SRPRA: variants seen among roughly 807,000 people sequenced by gnomAD.
The protein encoded by SRPRA is signal recognition particle receptor subunit alpha.
A neutral mutation model predicts 61.1 loss-of-function variants in SRPRA; 30 were observed. The ratio of observed to expected loss-of-function variants is 0.49; its 90% CI spans 0.37 to 0.67. The LOEUF (loss-of-function observed/expected upper bound fraction) is 0.67, where lower values mean the gene tolerates loss of function less well. SRPRA is among the 30% of genes least tolerant of loss of function. The pLI, the probability that SRPRA is intolerant of heterozygous loss-of-function variation, is 0.00. For missense variants in SRPRA, 759 were observed against 828.4 expected (o/e 0.92, Z 1.03); for synonymous variants, 324 against 299.7 (o/e 1.08, Z -0.84).
the SRPRA span, chr11:126,256,478 A>AG: frequency 8.0e-7 from 1 of 1,246,982 alleles, no homozygotes; most frequent in African/African-American, 1.5e-5. This position sits in a 1 kb window ranked among gnomAD's most constrained non-coding sequence, Gnocchi z 6.6. Context: ...TGGTCATCAC[A>AG]GTCTGCTCAA....
In SRPRA at chr11:126,264,157, G is replaced by C; in HGVS notation, c.1788+34C>G. 6.2e-7 allele frequency: 1 copy of C among 1,612,678 alleles called. No homozygotes were observed. On this transcript the variant is annotated intron_variant, in intron 13 of 13. Transcript: ENST00000332118. This position sits in a 1 kb window ranked among gnomAD's most constrained non-coding sequence, Gnocchi z 5.0. ...CTTGCAGCCTCAGCTCCTTTGTGCAGGACGCCCATTCCAGCCTCCAGTCTC... is the reference window on the plus strand; with the variant it reads ...CTTGCAGCCTCAGCTCCTTTGTGCACGACGCCCATTCCAGCCTCCAGTCTC...
chr11:126,264,889 G>A lies in SRPRA; in HGVS notation c.1525+70C>T. 3 of 1,440,564 alleles carry A rather than the reference G, an allele frequency of 2.1e-6. No homozygotes were observed. The highest frequency in any genetic ancestry group is 2.8e-6 in the Non-Finnish European group (3 of 1,063,536). The allele number at this position is 1,440,564 out of a possible 1,614,324, so 89.2% of individuals were successfully genotyped here. Reference sequence around the variant, plus strand: ...TGTAGTAGCACAAGCCTGATCTTCTGCAAATTCCAAGAGAACCCAAGGAGA... The same window carrying A: ...TGTAGTAGCACAAGCCTGATCTTCTACAAATTCCAAGAGAACCCAAGGAGA... On this transcript the variant is annotated intron_variant, in intron 11 of 13. Coordinates refer to ENST00000332118, the MANE Select transcript of SRPRA (RefSeq NM_003139.4). This position sits in a 1 kb window ranked among gnomAD's most constrained non-coding sequence, Gnocchi z 5.0.
chr11:126,266,002 T>C lies in SRPRA; in HGVS notation c.1012A>G (p.Met338Val), dbSNP rs771506743. The C allele has an allele frequency of 1.2e-6, 2 of 1,614,212 alleles. No homozygotes were observed. Among genetic ancestry groups the C allele is most frequent in the East Asian group, 2.2e-5 (1 of 44,890 alleles). The change falls in exon 8 of 14, where the codon ATG becomes GTG. Residue 338 changes from methionine to valine, a missense_variant. By Grantham distance (21) the Met-to-Val change is conservative. Around this residue, in one of 2 missense-constraint regions of SRPRA, gnomAD observed 475 missense variants for 462.5 expected, o/e 1.03. Coordinates refer to ENST00000332118, the MANE Select transcript of SRPRA (RefSeq NM_003139.4). The stretch of plus-strand genomic sequence containing the variant: ...CGCATCTTGTCCAGCACAGATTCCA[T>C]GTCTTCACGACTCAAGCTCTTTGAA... Reference protein sequence around the residue: ...VGSKSLSREDMESVLDKMRDH... With the variant: ...VGSKSLSREDVESVLDKMRDH...
At chr11:126,240,617 A>G in the SRPRA span, among the ~76,000 whole-genome samples, 12 of 152,286 alleles carry the variant, frequency 7.9e-5, no homozygotes, top group Non-Finnish European at 1.8e-4. Flanking sequence ...GCAAGCACTG[A>G]CACAATATTC....
At chr11:126,241,953 A>G in the SRPRA span, among the ~76,000 whole-genome samples, 1 of 141,184 alleles carries the variant, frequency 7.1e-6, no homozygotes, top group Admixed American at 7.7e-5. Context: ...TGAACCCGGG[A>G]GGTGGAGGTT....
the SRPRA span, among the ~76,000 whole-genome samples, chr11:126,253,197 T>G: frequency 6.6e-6 from 1 of 152,210 alleles, no homozygotes; most frequent in African/African-American, 2.4e-5. This position sits in a 1 kb window ranked among gnomAD's most constrained non-coding sequence, Gnocchi z 5.1. Context: ...TCCTTCTCAT[T>G]TCATCCTTGG....
At chr11:126,261,501 TCTA>T (rs770177844), downstream of SRPRA, 96 of 1,602,800 alleles carry the variant, frequency 6.0e-5, no homozygotes, top group Non-Finnish European at 7.4e-5. Context: ...TGTTTCCTAT[TCTA>T]CTATTTATCA....
chr11:126,266,718 G>T, intron 5 of SRPRA, 45 bp downstream of exon 5: 1 of 1,610,544 alleles, frequency 6.2e-7, no homozygotes, highest in Non-Finnish European at 8.5e-7. Context: ...CACCCATTGT[G>T]TCTAGATAAC....
rs1170546210 is a variant in SRPRA, at chr11:126,264,466, A to G, written c.1599T>C (p.Thr533=). ...GRMQDNAPLM[T]ALAKLITVNT... ...TGACAGTAATGAGTTTGGCCAGGGC[A>G]GTCATCAGAGGGGCATTGTCTTGCA... Residue 533 remains threonine, a synonymous_variant, in exon 12 of 14, where the codon ACT becomes ACC. Transcript: ENST00000332118. This position sits in a 1 kb window ranked among gnomAD's most constrained non-coding sequence, Gnocchi z 5.0. 2 of 1,614,102 alleles carry G rather than the reference A, an allele frequency of 1.2e-6. No individual in the cohort carries two copies. Among genetic ancestry groups the G allele is most frequent in the Non-Finnish European group, 1.7e-6 (2 of 1,180,058 alleles).
chr11:126,262,259 G>A, downstream of SRPRA: 2 of 1,035,942 alleles, frequency 1.9e-6, no homozygotes, highest in East Asian at 4.9e-5. Context: ...GAGGTTGAAG[G>A]GCGGGGTAGA....
chr11:126,236,665 A>G, the SRPRA span, among the ~76,000 whole-genome samples: 9 of 152,040 alleles, frequency 5.9e-5, no homozygotes, highest in Admixed American at 5.9e-4. Flanking sequence ...ACTTTCCATT[A>G]CAATGTTTTT....
chr11:126,264,778 G>C lies in SRPRA; in HGVS notation c.1525+181C>G, dbSNP rs1384169110. The C allele has an allele frequency of 7.9e-6, 6 of 763,302 alleles. No homozygotes were observed. The highest frequency in any genetic ancestry group is 1.2e-5 in the Non-Finnish European group (6 of 485,756). 47.3% of individuals were successfully genotyped at this position (763,302 alleles called of 1,614,324 possible). On this transcript the variant is annotated intron_variant, in intron 11 of 13. Transcript: ENST00000332118. The surrounding 1 kb of genome is among the most constrained non-coding windows in gnomAD (Gnocchi z 5.0). ...AGGTTTCTCTGGTTAAGGTATATTA[G>C]CTTTGCCTGCAACTACATCTGTTAT... is the stretch of plus-strand genomic sequence containing the variant.
chr11:126,244,112 C>G, the SRPRA span, among the ~76,000 whole-genome samples: 1 of 151,956 alleles, frequency 6.6e-6, no homozygotes, highest in South Asian at 2.1e-4. The surrounding 1 kb of genome is among the most constrained non-coding windows in gnomAD (Gnocchi z 4.5). Flanking sequence ...CGATAAAGAC[C>G]GTATATGAAA....
the SRPRA span, among the ~76,000 whole-genome samples, chr11:126,241,562 A>T: frequency 0.77 from 116,966 of 151,216 alleles, 46,042 homozygotes; most frequent in East Asian, 0.99. Context: ...TTATTTATTT[A>T]TTTTTTGATG....
chr11:126,248,229 T>C, the SRPRA span, among the ~76,000 whole-genome samples: 1 of 151,592 alleles, frequency 6.6e-6, no homozygotes, highest in Non-Finnish European at 1.5e-5. Flanking sequence ...TGTTTGAAAT[T>C]GTATTTGTAG....
At chr11:126,241,461 T>C in the SRPRA span, among the ~76,000 whole-genome samples, 2 of 152,192 alleles carry the variant, frequency 1.3e-5, no homozygotes, top group Non-Finnish European at 2.9e-5. Flanking sequence ...AGGTAATAAG[T>C]CAAAATATTT....
chr11:126,267,426 A>G lies in SRPRA; in HGVS notation c.366-91T>C. The G allele has an allele frequency of 6.3e-7, 1 of 1,589,340 alleles. No individual in the cohort carries two copies. The highest frequency in any genetic ancestry group is 8.6e-7 in the Non-Finnish European group (1 of 1,165,876). On this transcript the variant is annotated intron_variant, in intron 3 of 13. Transcript: ENST00000332118. This position sits in a 1 kb window ranked among gnomAD's most constrained non-coding sequence, Gnocchi z 4.2. Reference sequence around the variant, plus strand: ...AAGGACTCTCACACCCAAGAGGACAATGAGAACTGGGTAGCAAATTAGGAA... The same window carrying G: ...AAGGACTCTCACACCCAAGAGGACAGTGAGAACTGGGTAGCAAATTAGGAA...
rs1950748057 is a variant in SRPRA, at chr11:126,263,640, A to T, written c.*276T>A. The T allele has an allele frequency of 2.4e-6, 1 of 410,538 alleles. No homozygotes were observed. Among genetic ancestry groups the T allele is most frequent in the Non-Finnish European group, 4.5e-6 (1 of 224,250 alleles). The allele number at this position is 410,538 out of a possible 1,614,324, so 25.4% of individuals were successfully genotyped here. A position where few individuals can be genotyped will look rare whatever the true frequency, so the allele number is the denominator to read the frequency against. On this transcript the variant is annotated 3_prime_UTR_variant, in exon 14 of 14. Coordinates refer to ENST00000332118, the MANE Select transcript of SRPRA (RefSeq NM_003139.4). ...AACCATTGGTCAAAGCTGTAATAAGACTGAGTCTGTAGGCAGAGTGAAGGG... is the reference window on the plus strand; with the variant it reads ...AACCATTGGTCAAAGCTGTAATAAGTCTGAGTCTGTAGGCAGAGTGAAGGG...
the SRPRA span, among the ~76,000 whole-genome samples, chr11:126,236,070 T>C: frequency 5.9e-4 from 90 of 152,356 alleles, no homozygotes; most frequent in African/African-American, 2.1e-3. Context: ...TCCTTCTGGA[T>C]GCTAGTCCAC....
Sources: gnomAD v4.1 joint callset for allele counts (sites outside exome capture counted in the v4.1 genomes callset) on GRCh38, gnomAD v4.1.1 for gene constraint, gnomAD v4.1.1 regional missense constraint, Gnocchi (gnomAD v3.1) non-coding constraint, MANE v1.5 for transcripts, NCBI Gene and HGNC (gene_info 2026-07-23, HGNC 2026-07-21) for gene names.